GLIS3: variants seen among roughly 807,000 people sequenced by gnomAD.
The protein encoded by GLIS3 is zinc finger protein GLIS3.
Under a neutral mutation model 78.6 loss-of-function variants are expected in GLIS3, and 53 were observed. The ratio of observed to expected loss-of-function variants is 0.67; its 90% confidence interval spans 0.54 to 0.85. The LOEUF (loss-of-function observed/expected upper bound fraction) is 0.85. Among genes scored for constraint, GLIS3 ranks in the 40% least tolerant of loss-of-function variants. The probability of loss-of-function intolerance (pLI) is 0.00; values close to 1 mark genes in which losing one functional copy is unlikely to be tolerated. For missense variants in GLIS3, 1,703 were observed against 1,231.1 expected (o/e 1.38, Z -5.74); for synonymous variants, 684 against 509.9 (o/e 1.34, Z -4.60).
intron 7 of GLIS3, 143 bp downstream of exon 7, chr9:3,898,548 G>C: frequency 1.2e-6 from 1 of 858,518 alleles, no homozygotes; most frequent in Non-Finnish European, 2.0e-6. Flanking sequence ...AATCAGAAGG[G>C]GTGGAGAGCA....
intron 2 of GLIS3, among the ~76,000 whole-genome samples, chr9:4,321,107 C>G (rs1034392971): frequency 1.4e-5 from 2 of 145,692 alleles, no homozygotes; most frequent in Admixed American, 1.3e-4. Context: ...CCCCAATACT[C>G]AGCATGGTCT....
the GLIS3 span, among the ~76,000 whole-genome samples, chr9:4,410,985 A>G: frequency 5.3e-5 from 8 of 152,244 alleles, no homozygotes; most frequent in African/African-American, 1.9e-4. Flanking sequence ...AAAAAGGGTT[A>G]TAATTCCTTA....
intron 2 of GLIS3, among the ~76,000 whole-genome samples, chr9:4,274,419 G>A (rs763251003): frequency 2.0e-5 from 3 of 152,012 alleles, no homozygotes; most frequent in Non-Finnish European, 2.9e-5. Context: ...CAGGGCAAGC[G>A]CAGACCCTCA....
At chr9:3,855,640 A>C (rs1421718473) in intron 9 of GLIS3, 4 of 336,348 alleles carry the variant, frequency 1.2e-5, no homozygotes, top group Non-Finnish European at 2.3e-5. Flanking sequence ...ACCTATGAGA[A>C]TGAGAGCAAA....
intron 7 of GLIS3, among the ~76,000 whole-genome samples, chr9:3,890,478 A>G (rs10758530): frequency 0.88 from 134,536 of 152,106 alleles, 60,490 homozygotes; most frequent in East Asian, 1. Context: ...TTCACAATTA[A>G]TAATCCAACA....
At chr9:4,262,886 T>C (rs1014522811) in intron 2 of GLIS3, among the ~76,000 whole-genome samples, 2 of 144,978 alleles carry the variant, frequency 1.4e-5, no homozygotes, top group African/African-American at 5.2e-5. Flanking sequence ...CTTAAGCCCG[T>C]AGTTCACATG....
chr9:4,339,127 C>T (rs1334308614), intron 2 of GLIS3, among the ~76,000 whole-genome samples: 2 of 152,198 alleles, frequency 1.3e-5, no homozygotes, highest in African/African-American at 4.8e-5. Flanking sequence ...AAACTCAACA[C>T]CTCAGTCATG....
intron 2 of GLIS3, among the ~76,000 whole-genome samples, chr9:4,164,715 AAAC>A (rs1289211484): frequency 6.6e-6 from 1 of 152,238 alleles, no homozygotes; most frequent in Admixed American, 6.5e-5. Context: ...AGCATGCAAC[AAAC>A]AATATTGGAA....
At chr9:4,279,261 G>A (rs1345326714) in intron 2 of GLIS3, among the ~76,000 whole-genome samples, 1 of 132,414 alleles carries the variant, frequency 7.6e-6, no homozygotes, top group Non-Finnish European at 1.5e-5. Flanking sequence ...TCGCGCCACT[G>A]CACTCCAGCC....
chr9:3,866,170 C>T (rs1292296160), intron 8 of GLIS3, among the ~76,000 whole-genome samples: 2 of 152,212 alleles, frequency 1.3e-5, no homozygotes, highest in East Asian at 1.9e-4. Flanking sequence ...CTCCTATCAG[C>T]ACTGAGAGGT....
intron 2 of GLIS3, among the ~76,000 whole-genome samples, chr9:4,253,109 G>C (rs1160743609): frequency 6.6e-6 from 1 of 152,260 alleles, no homozygotes; most frequent in Non-Finnish European, 1.5e-5. Context: ...CACTGGAGGA[G>C]GCAGTCTGTC....
chr9:4,209,034 T>C lies in GLIS3; in HGVS notation c.388+77004A>G, dbSNP rs540493935. On this transcript the variant is annotated intron_variant, in intron 2 of 10. Transcript: ENST00000381971. ...TCACATAAAGTTGCATCCATGCTAC[T>C]GCTCATGCCAGGTGTATCATAAGAT... Among the ~76,000 whole-genome samples the C allele has an allele frequency of 2.6e-5, 4 of 152,342 alleles. No individual in the cohort carries two copies. The South Asian group carries it at 8.3e-4, about 32-fold the overall frequency.
chr9:4,066,045 A>AAG (rs765072054), intron 4 of GLIS3, among the ~76,000 whole-genome samples: 1 of 151,734 alleles, frequency 6.6e-6, no homozygotes, highest in Non-Finnish European at 1.5e-5. Context: ...AATATAAAAA[A>AAG]AAAAAAAAAG....
chr9:4,071,043 C>T (rs558360129), intron 4 of GLIS3: 1 of 152,058 alleles, frequency 6.6e-6, no homozygotes, highest in Non-Finnish European at 1.5e-5. Context: ...ATGCTTTGAC[C>T]AATGTTATGC....
intron 6 of GLIS3, among the ~76,000 whole-genome samples, chr9:3,932,151 GCCATAT>G: frequency 1.6e-5 from 2 of 122,076 alleles, no homozygotes; most frequent in Non-Finnish European, 4.1e-5. Context: ...GCAAACCATA[GCCATAT>G]CAGCTATGCA....
intron 2 of GLIS3, among the ~76,000 whole-genome samples, chr9:4,149,526 C>G (rs753269478): frequency 6.6e-6 from 1 of 152,210 alleles, no homozygotes; most frequent in Non-Finnish European, 1.5e-5. Context: ...AGCCTCCAAC[C>G]TCTTGGTTTC....
At chr9:4,162,202 G>C (rs1315849609) in intron 2 of GLIS3, among the ~76,000 whole-genome samples, 15 of 152,132 alleles carry the variant, frequency 9.9e-5, no homozygotes, top group Admixed American at 8.5e-4. Flanking sequence ...TCTTGTCTCT[G>C]TGTCCAAATT....
intron 7 of GLIS3, among the ~76,000 whole-genome samples, chr9:3,887,520 C>T (rs935153527): frequency 1.3e-5 from 2 of 152,222 alleles, no homozygotes; most frequent in African/African-American, 4.8e-5. Context: ...TGGACAGCTA[C>T]ATGAATATTC....
the GLIS3 span, among the ~76,000 whole-genome samples, chr9:4,359,885 G>C: frequency 6.6e-6 from 1 of 151,570 alleles, no homozygotes; most frequent in African/African-American, 2.4e-5. Flanking sequence ...TCTATGCTGA[G>C]ATGAATGTTA....
Sources: gnomAD v4.1 joint callset for allele counts (sites outside exome capture counted in the v4.1 genomes callset) on GRCh38, gnomAD v4.1.1 for gene constraint, MANE v1.5 for transcripts, NCBI Gene and HGNC (gene_info 2026-07-23, HGNC 2026-07-21) for gene names.